RAB2A: variants seen among roughly 807,000 people sequenced by gnomAD.
The protein encoded by RAB2A is ras-related protein Rab-2A.
In RAB2A, 7 loss-of-function variants were observed where a neutral mutation model predicts 32.5. The ratio of observed to expected loss-of-function variants is 0.22; its 90% CI spans 0.12 to 0.40. The LOEUF (loss-of-function observed/expected upper bound fraction) is 0.40, where lower values mean the gene tolerates loss of function less well. RAB2A is among the 10% of genes least tolerant of loss of function. The probability of loss-of-function intolerance (pLI) is 1.00; values close to 1 mark genes in which losing one functional copy is unlikely to be tolerated. For synonymous variants in RAB2A, 79 were observed against 85.2 expected, an observed-to-expected ratio of 0.93 and a Z score of 0.40; for missense variants, 108 against 260.7, an observed-to-expected ratio of 0.41 and a Z score of 4.03.
rs1404683487 is a variant in RAB2A, at chr8:60,584,833, G to A, written c.362+18G>A. 2.6e-6 allele frequency: 4 copies of A among 1,556,700 alleles called. No individual in the cohort carries two copies. Among genetic ancestry groups the A allele is most frequent in the Non-Finnish European group, 3.5e-6 (4 of 1,129,140 alleles). On this transcript the variant is annotated intron_variant, in intron 5 of 7. Coordinates refer to ENST00000262646, the MANE Select transcript of RAB2A (RefSeq NM_002865.3). ...AATAAAAGGTAAAAAGGCTAATTTA[G>A]AGCTTACATTGCATTAGTGATGAAG...
rs568492832 is a variant in RAB2A, at chr8:60,547,603, G to A, written c.47-11249G>A. On this transcript the variant is annotated intron_variant, in intron 1 of 7. Coordinates refer to ENST00000262646, the MANE Select transcript of RAB2A (RefSeq NM_002865.3). ...TCCTCACTTCCCAGTAGGGGCGGCC[G>A]GGCAGAGGCGCCCCTCACCTCCCGG... Among the ~76,000 whole-genome samples the A allele has an allele frequency of 5.9e-3, 744 of 126,010 alleles. 6 individuals carry two copies. Among genetic ancestry groups the A allele is most frequent in the Admixed American group, 0.016 (197 of 12,388 alleles). The allele number at this position is 126,010 out of a possible 152,430, so 82.7% of individuals were successfully genotyped here.
At chr8:60,558,614 C>T in intron 1 of RAB2A, 2 of 544,992 alleles carry the variant, frequency 3.7e-6, no homozygotes, top group Non-Finnish European at 6.7e-6. Flanking sequence ...CCATATTTAT[C>T]TTTCACATTG....
At chr8:60,531,247 A>C (rs1807471969) in intron 1 of RAB2A, among the ~76,000 whole-genome samples, 1 of 152,218 alleles carries the variant, frequency 6.6e-6, no homozygotes, top group African/African-American at 2.4e-5. Flanking sequence ...GCTACTATGT[A>C]GTCCTCGCTG....
chr8:60,547,684 C>T (rs1178489781), intron 1 of RAB2A, among the ~76,000 whole-genome samples: 23 of 119,808 alleles, frequency 1.9e-4, no homozygotes, highest in East Asian at 6.1e-4. Flanking sequence ...CCGGACGGGG[C>T]GGCTGGCCGG....
intron 5 of RAB2A, among the ~76,000 whole-genome samples, chr8:60,586,596 A>G (rs567927922): frequency 1.3e-5 from 2 of 152,244 alleles, no homozygotes; most frequent in East Asian, 3.9e-4. Context: ...AAAACTAAAT[A>G]TAAGATGTCT....
At chr8:60,614,407 A>G (rs1210941821) in intron 6 of RAB2A, among the ~76,000 whole-genome samples, 1 of 151,946 alleles carries the variant, frequency 6.6e-6, no homozygotes, top group African/African-American at 2.4e-5. Flanking sequence ...GAAGTTCTGA[A>G]TATGTGGCAA....
chr8:60,521,978 T>C (rs1222165741), intron 1 of RAB2A, among the ~76,000 whole-genome samples: 2 of 152,188 alleles, frequency 1.3e-5, no homozygotes, highest in East Asian at 3.8e-4. Flanking sequence ...GCAAAACCAT[T>C]GACAAATGGG....
intron 6 of RAB2A, among the ~76,000 whole-genome samples, chr8:60,616,026 G>T (rs1804441743): frequency 1.3e-5 from 2 of 152,062 alleles, no homozygotes; most frequent in South Asian, 2.1e-4. Flanking sequence ...GAGATTGAAC[G>T]ACCAAGTAAT....
chr8:60,530,897 T>G (rs1001387638), intron 1 of RAB2A, among the ~76,000 whole-genome samples: 1 of 151,838 alleles, frequency 6.6e-6, no homozygotes, highest in Non-Finnish European at 1.5e-5. Context: ...CACCTATTCC[T>G]TGCAGGCCAG....
intron 1 of RAB2A, among the ~76,000 whole-genome samples, chr8:60,539,480 A>G (rs1172146116): frequency 1.3e-5 from 2 of 152,240 alleles, no homozygotes; most frequent in South Asian, 2.1e-4. Flanking sequence ...CAACTTTTTC[A>G]ATCAGCATCA....
At chr8:60,614,234 C>A (rs571195249) in intron 6 of RAB2A, among the ~76,000 whole-genome samples, 1 of 151,132 alleles carries the variant, frequency 6.6e-6, no homozygotes, top group Non-Finnish European at 1.5e-5. Flanking sequence ...GCCCTGCATT[C>A]TTCTATCGGT....
At chr8:60,554,816 G>C (rs2130828005) in intron 1 of RAB2A, among the ~76,000 whole-genome samples, 1 of 152,036 alleles carries the variant, frequency 6.6e-6, no homozygotes, top group South Asian at 2.1e-4. Context: ...TTGCGCCACT[G>C]CACTCCAGCC....
intron 6 of RAB2A, among the ~76,000 whole-genome samples, chr8:60,595,730 T>C (rs536787160): frequency 1.3e-5 from 2 of 152,306 alleles, no homozygotes; most frequent in South Asian, 4.1e-4. Flanking sequence ...CAAAAACTGA[T>C]AGACTGCGAG....
chr8:60,593,103 G>T (rs1242159023), intron 6 of RAB2A, among the ~76,000 whole-genome samples: 3 of 152,218 alleles, frequency 2.0e-5, no homozygotes, highest in Non-Finnish European at 4.4e-5. Flanking sequence ...TAATTCTACA[G>T]CATTGGTATT....
chr8:60,527,286 G>A (rs1273238999), intron 1 of RAB2A, among the ~76,000 whole-genome samples: 1 of 152,196 alleles, frequency 6.6e-6, no homozygotes, highest in Non-Finnish European at 1.5e-5. Context: ...CCCAACATTG[G>A]AAATTACAAT....
At chr8:60,615,149 C>T (rs565109662) in intron 6 of RAB2A, among the ~76,000 whole-genome samples, 1 of 152,278 alleles carries the variant, frequency 6.6e-6, no homozygotes, top group East Asian at 1.9e-4. Flanking sequence ...GAGCTTGCCC[C>T]TAAAGAGATG....
At chr8:60,579,124 C>T (rs1481159256) in intron 3 of RAB2A, among the ~76,000 whole-genome samples, 2 of 152,024 alleles carry the variant, frequency 1.3e-5, no homozygotes, top group Non-Finnish European at 2.9e-5. Flanking sequence ...CTCACTGCAG[C>T]CTCCGCCTCC....
chr8:60,611,367 G>A (rs936989558), intron 6 of RAB2A, among the ~76,000 whole-genome samples: 7 of 152,130 alleles, frequency 4.6e-5, no homozygotes, highest in African/African-American at 1.7e-4. Flanking sequence ...TGTCCAGAAT[G>A]CCCTTCTTCC....
chr8:60,592,065 GGTCT>G, intron 6 of RAB2A, 96 bp downstream of exon 6: 1 of 699,250 alleles, frequency 1.4e-6, no homozygotes, highest in Non-Finnish European at 2.3e-6. Flanking sequence ...TTAGTCGGAT[GGTCT>G]TTGAACATCA....
Sources: allele counts gnomAD v4.1 joint callset (sites outside exome capture counted in the v4.1 genomes callset), GRCh38; gene constraint gnomAD v4.1.1; transcripts MANE v1.5; gene names NCBI Gene and HGNC (gene_info 2026-07-23, HGNC 2026-07-21).